Variants in EFR3A observed in about 807,000 individuals in gnomAD.
The protein encoded by EFR3A is protein EFR3 homolog A.
A neutral mutation model predicts 104.4 loss-of-function variants in EFR3A; 76 were observed. The ratio of observed to expected loss-of-function variants is 0.73; its 90% CI spans 0.60 to 0.88. The LOEUF (loss-of-function observed/expected upper bound fraction) is 0.88, where lower values mean the gene tolerates loss of function less well. Ranked by LOEUF, EFR3A falls within the 40% of genes least tolerant of loss-of-function variation. EFR3A has a pLI of 0.00. For missense variants in EFR3A, 985 were observed against 1,012.5 expected (o/e 0.97, Z 0.37); for synonymous variants, 330 against 330.0 (o/e 1.00, Z 0.00).
At chr8:131,984,690 T>C (rs535451707) in intron 15 of EFR3A, among the ~76,000 whole-genome samples, 1 of 152,272 alleles carries the variant, frequency 6.6e-6, no homozygotes, top group East Asian at 1.9e-4. Flanking sequence ...CGTGTGTGTG[T>C]GTATATATAT....
In EFR3A at chr8:131,904,317, C is replaced by T. The variant is rs1004326925; in HGVS notation, c.5C>T (p.Pro2Leu). ...GCGAGCGCGGTCGAGATCGCCATGC[C>T]TACCCGTGAGTGGCCGGCCGAGGGC... M[P>L]TRVCCCCSAL... Residue 2 changes from proline to leucine, a missense_variant, in exon 1 of 23, where the codon CCT (proline) becomes CTT (leucine). Pro to Leu is a moderately conservative substitution (Grantham distance 98). Coordinates refer to ENST00000254624, the MANE Select transcript of EFR3A (RefSeq NM_015137.6). 1.6e-6 allele frequency: 2 copies of T among 1,259,776 alleles called. No homozygotes were observed. The highest frequency in any genetic ancestry group is 1.0e-6 in the Non-Finnish European group (1 of 1,001,512). 78.0% of individuals were successfully genotyped at this position (1,259,776 alleles called of 1,614,324 possible).
At chr8:131,984,041 A>G (rs958357034) in intron 14 of EFR3A, 98 bp from the exon 15 acceptor site, 7 of 991,412 alleles carry the variant, frequency 7.1e-6, no homozygotes, top group African/African-American at 6.6e-5. Flanking sequence ...GTTAAGCTAT[A>G]TAATAACATA....
chr8:131,990,802 A>G (rs1419985671), intron 18 of EFR3A, among the ~76,000 whole-genome samples: 1 of 151,960 alleles, frequency 6.6e-6, no homozygotes, highest in African/African-American at 2.4e-5. Flanking sequence ...TATGAGAGAG[A>G]ATTTATAGGC....
At chr8:131,950,162 A>G in intron 5 of EFR3A, 72 bp downstream of exon 5, 1 of 1,424,690 alleles carries the variant, frequency 7.0e-7, no homozygotes, top group Non-Finnish European at 9.5e-7. Context: ...ATGTTACATA[A>G]TGATTACCAG....
chr8:131,975,921 AG>A, intron 10 of EFR3A, 105 bp from the exon 11 acceptor site: 1 of 652,592 alleles, frequency 1.5e-6, no homozygotes, highest in Non-Finnish European at 2.7e-6. Context: ...CAGACTTGTG[AG>A]GGATTGTTTT....
chr8:131,947,574 G>T (rs1329274903), intron 4 of EFR3A, among the ~76,000 whole-genome samples: 1 of 151,296 alleles, frequency 6.6e-6, no homozygotes, highest in Non-Finnish European at 1.5e-5. Context: ...TGTGTTTGGG[G>T]GGTGGTGGAC....
At position 132,012,641 on chromosome 8, in the gene EFR3A, C is replaced by T. The variant is rs1198642638; in HGVS notation, c.*1746C>T. ...TTTAAAGAAGGATGTTAATTTTTGA[C>T]TATATATTTTAAAAAAATCTAAGCA... On this transcript the variant is annotated 3_prime_UTR_variant, in exon 23 of 23. Transcript: ENST00000254624. 6.6e-6 allele frequency: 1 copy of T among 152,198 alleles called. No homozygotes were observed. Among genetic ancestry groups the T allele is most frequent in the African/African-American group, 2.4e-5 (1 of 41,276 alleles). 9.4% of individuals were successfully genotyped at this position (152,198 alleles called of 1,614,324 possible). A position where few individuals can be genotyped will look rare whatever the true frequency, so the allele number is the denominator to read the frequency against.
At chr8:132,010,405 G>GATATATATATATATATATATATAT (rs200821953) in intron 22 of EFR3A, among the ~76,000 whole-genome samples, 2 of 88,006 alleles carry the variant, frequency 2.3e-5, no homozygotes, top group South Asian at 3.3e-4. Context: ...AATCAAGTAT[G>GATATATATATATATATATATATAT]AGATATATAT....
At chr8:131,963,886 C>T (rs530176956) in intron 8 of EFR3A, among the ~76,000 whole-genome samples, 177 of 152,272 alleles carry the variant, frequency 1.2e-3, no homozygotes, top group African/African-American at 4.1e-3. Context: ...ATCAAGTGGG[C>T]TTCATCCCTG....
rs764376469 is a variant in EFR3A, at chr8:131,978,985, C to T, written c.1465C>T (p.Arg489Cys). 9 of 1,612,144 alleles carry T rather than the reference C, an allele frequency of 5.6e-6. No individual in the cohort carries two copies. The highest frequency in any genetic ancestry group is 3.3e-5 in the Admixed American group (2 of 59,834). The change falls in exon 13 of 23, where the codon CGT (arginine) becomes TGT (cysteine). Residue 489 changes from arginine (R) to cysteine (C), a missense_variant. Transcript: ENST00000254624. ...VLEVMHNLMD[R>C]HDNRAKLRGI... ...GGAAGTAATGCATAATCTCATGGAT[C>T]GTCATGACAATAGGGCAAAGCTTCG...
intron 8 of EFR3A, among the ~76,000 whole-genome samples, chr8:131,965,371 GAAA>G (rs907739986): frequency 6.6e-6 from 1 of 151,896 alleles, no homozygotes; most frequent in Non-Finnish European, 1.5e-5. Context: ...AAGTTTGCAA[GAAA>G]AAAACAACAT....
At chr8:131,920,869 G>A (rs1816980426) in intron 1 of EFR3A, among the ~76,000 whole-genome samples, 1 of 152,036 alleles carries the variant, frequency 6.6e-6, no homozygotes. Flanking sequence ...ACCTCATAGG[G>A]TCATTCTGAG....
At chr8:131,996,367 T>C in intron 18 of EFR3A, 39 bp from the exon 19 acceptor site, 2 of 1,264,870 alleles carry the variant, frequency 1.6e-6, no homozygotes, top group Non-Finnish European at 1.1e-6. Context: ...CAACATAACA[T>C]TTCTAGCAAA....
chr8:131,916,774 A>G (rs758470996), intron 1 of EFR3A, among the ~76,000 whole-genome samples: 11 of 152,204 alleles, frequency 7.2e-5, no homozygotes, highest in Non-Finnish European at 1.2e-4. Context: ...GAATATTCCA[A>G]TGTAGCAAGA....
rs1188937016 is a variant in EFR3A, at chr8:131,904,135, C to T, written c.-178C>T. ...GCGAGGAGTGGGCTGGCGGCGGTAG[C>T]TGTCGCCCGCTTGGTTGCGTGACCG... On this transcript the variant is annotated 5_prime_UTR_variant, in exon 1 of 23. Coordinates refer to ENST00000254624, the MANE Select transcript of EFR3A (RefSeq NM_015137.6). 3.1e-6 allele frequency: 2 copies of T among 652,454 alleles called. No individual in the cohort carries two copies. Among genetic ancestry groups the T allele is most frequent in the Non-Finnish European group, 2.2e-6 (1 of 463,320 alleles). 40.4% of individuals were successfully genotyped at this position (652,454 alleles called of 1,614,324 possible). A position where few individuals can be genotyped will look rare whatever the true frequency, so the allele number is the denominator to read the frequency against.
intron 1 of EFR3A, among the ~76,000 whole-genome samples, chr8:131,934,621 G>A (rs557685045): frequency 6.2e-4 from 95 of 152,090 alleles, no homozygotes; most frequent in Non-Finnish European, 1.1e-3. Context: ...AGGCTTTATA[G>A]ATAATACATA....
Position 132,010,823 on chromosome 8 carries a change from T to C in EFR3A, c.2394T>C (p.Ile798=). Residue 798 remains isoleucine (I), a synonymous_variant, in exon 23 of 23, where the codon ATT becomes ATC. Transcript: ENST00000254624. ...CCAGTCCATCAGGAACACTGACCAT[T>C]ACTTCTGGGCATGCCCAATACCAAT... ...PPPSPSGTLT[I]TSGHAQYQSV... 6.2e-7 allele frequency: 1 copy of C among 1,612,504 alleles called. No homozygotes were observed.
chr8:131,996,446 C>T lies in EFR3A; in HGVS notation c.2106C>T (p.Thr702=), dbSNP rs1334626259. Residue 702 remains threonine, a synonymous_variant, in exon 19 of 23, where the codon ACC becomes ACT. Coordinates refer to ENST00000254624, the MANE Select transcript of EFR3A (RefSeq NM_015137.6). The part of the protein sequence containing the change: ...RLSRRKSIVD[T]VSIQVDILSN... The stretch of plus-strand genomic sequence containing the variant: ...CTAGAAGAAAAAGCATTGTGGACAC[C>T]GTATCCATTCAGGTGGATATTTTAT... The T allele has an allele frequency of 5.0e-6, 8 of 1,597,872 alleles. No homozygotes were observed. Among genetic ancestry groups the T allele is most frequent in the South Asian group, 2.3e-5 (2 of 86,402 alleles).
chr8:131,966,708 G>A (rs972635166), intron 8 of EFR3A, among the ~76,000 whole-genome samples: 2 of 152,084 alleles, frequency 1.3e-5, no homozygotes, highest in Admixed American at 6.6e-5. Flanking sequence ...GATCTTGGGC[G>A]AGTTTGGCTC....
Sources: allele counts gnomAD v4.1 joint callset (sites outside exome capture counted in the v4.1 genomes callset), GRCh38; gene constraint gnomAD v4.1.1; transcripts MANE v1.5; gene names NCBI Gene and HGNC (gene_info 2026-07-23, HGNC 2026-07-21).